RTL4: variants seen among roughly 807,000 people sequenced by gnomAD.
RTL4 encodes retrotransposon Gag-like protein 4.
RTL4 carries 4 observed loss-of-function variants against 5.3 expected under a neutral mutation model. That is an observed-to-expected ratio of 0.75 (90% CI 0.37 to 1.72). RTL4 has a LOEUF of 1.72. RTL4 is among the 40% of genes most tolerant of loss of function. The pLI, the probability that RTL4 is intolerant of heterozygous loss-of-function variation, is 0.04. For synonymous variants in RTL4, 98 were observed against 87.3 expected, an observed-to-expected ratio of 1.12 and a Z score of -0.68; for missense variants, 260 against 227.1, an observed-to-expected ratio of 1.14 and a Z score of -0.93.
the RTL4 span, among the ~76,000 whole-genome samples, chrX:112,313,081 T>A: frequency 1.8e-5 from 2 of 110,990 alleles, no homozygotes; most frequent in Admixed American, 9.8e-5. Context: ...AATTAATGGC[T>A]TTTCTAGGTT....
chrX:112,219,082 G>C, the RTL4 span, among the ~76,000 whole-genome samples: 1 of 111,691 alleles, frequency 9.0e-6, no homozygotes, highest in African/African-American at 3.2e-5. Flanking sequence ...AATGGTACAT[G>C]TCTATGTGTT....
At chrX:112,399,868 G>C in the RTL4 span, among the ~76,000 whole-genome samples, 1 of 110,786 alleles carries the variant, frequency 9.0e-6, no homozygotes, top group Non-Finnish European at 1.9e-5. Context: ...ATTTTCTCTG[G>C]GTAAAGTGTT....
chrX:112,086,743 T>G, the RTL4 span, among the ~76,000 whole-genome samples: 2 of 112,216 alleles, frequency 1.8e-5, no homozygotes, highest in African/African-American at 6.5e-5. Context: ...AACCAACAAT[T>G]AGCACATTCA....
chrX:112,174,292 T>C, the RTL4 span, among the ~76,000 whole-genome samples: 1 of 91,329 alleles, frequency 1.1e-5, no homozygotes, highest in East Asian at 3.8e-4. Context: ...CCATGTGTTC[T>C]CATTGTTCAA....
chrX:112,097,004 T>C, the RTL4 span, among the ~76,000 whole-genome samples: 1 of 112,217 alleles, frequency 8.9e-6, no homozygotes, highest in African/African-American at 3.2e-5. Context: ...TGTGCCTTTA[T>C]TGGGAAATTG....
At chrX:112,124,520 A>C in the RTL4 span, among the ~76,000 whole-genome samples, 2 of 111,777 alleles carry the variant, frequency 1.8e-5, no homozygotes, top group African/African-American at 6.5e-5. Flanking sequence ...TGTCCTTTGC[A>C]GGGACATTTT....
chrX:112,246,367 T>A, the RTL4 span, among the ~76,000 whole-genome samples: 1 of 111,129 alleles, frequency 9.0e-6, no homozygotes, highest in Non-Finnish European at 1.9e-5. Flanking sequence ...GCCGTGTTGG[T>A]CTCCACCCAG....
the RTL4 span, among the ~76,000 whole-genome samples, chrX:112,330,542 G>T: frequency 9.0e-6 from 1 of 110,812 alleles, no homozygotes; most frequent in African/African-American, 3.3e-5. Context: ...CCATGCTCAT[G>T]GGTAGGAAGA....
At chrX:112,434,395 T>C in the RTL4 span, among the ~76,000 whole-genome samples, 1 of 111,497 alleles carries the variant, frequency 9.0e-6, no homozygotes, top group Non-Finnish European at 1.9e-5. Context: ...CTATTGATTA[T>C]TGCCACAATT....
At chrX:112,372,450 G>C in the RTL4 span, among the ~76,000 whole-genome samples, 1 of 111,365 alleles carries the variant, frequency 9.0e-6, no homozygotes, top group South Asian at 3.8e-4. Context: ...CTGAGGGTAA[G>C]AGCATATTCT....
the RTL4 span, among the ~76,000 whole-genome samples, chrX:112,291,891 G>A: frequency 2.7e-5 from 3 of 110,219 alleles, no homozygotes; most frequent in Non-Finnish European, 5.7e-5. Flanking sequence ...CACCGTGCCC[G>A]GCCTAGACAC....
chrX:112,446,711 G>A, the RTL4 span, among the ~76,000 whole-genome samples: 1 of 111,982 alleles, frequency 8.9e-6, no homozygotes, highest in African/African-American at 3.2e-5. Context: ...AGCCCAGCAT[G>A]GTGGTGCATG....
At chrX:112,330,872 T>C in the RTL4 span, among the ~76,000 whole-genome samples, 1 of 111,130 alleles carries the variant, frequency 9.0e-6, no homozygotes, top group African/African-American at 3.3e-5. Flanking sequence ...AACTATCTGA[T>C]CTTTGACAAA....
the RTL4 span, among the ~76,000 whole-genome samples, chrX:112,269,525 A>G: frequency 8.9e-6 from 1 of 111,843 alleles, no homozygotes; most frequent in African/African-American, 3.2e-5. Context: ...TATAAAATGG[A>G]CCAAACTCTT....
chrX:112,179,940 T>G, the RTL4 span, among the ~76,000 whole-genome samples: 3 of 111,379 alleles, frequency 2.7e-5, no homozygotes, highest in East Asian at 8.5e-4. Flanking sequence ...GTTTATTCTT[T>G]GTTGGATGTG....
chrX:112,206,536 C>T, the RTL4 span, among the ~76,000 whole-genome samples: 12 of 111,556 alleles, frequency 1.1e-4, no homozygotes. Context: ...TTCCTCCTAT[C>T]TGACAGTGTT....
At chrX:112,254,866 G>A in the RTL4 span, among the ~76,000 whole-genome samples, 17 of 111,972 alleles carry the variant, frequency 1.5e-4, no homozygotes, top group African/African-American at 5.5e-4. Flanking sequence ...TGAGATATGA[G>A]TGAACTAGGC....
At chrX:112,387,478 G>T in the RTL4 span, among the ~76,000 whole-genome samples, 5 of 109,949 alleles carry the variant, frequency 4.5e-5, no homozygotes, top group African/African-American at 1.3e-4. Context: ...CTGCTGGATG[G>T]CCAGACCCAG....
At chrX:112,426,480 G>A in the RTL4 span, among the ~76,000 whole-genome samples, 2 of 111,193 alleles carry the variant, frequency 1.8e-5, no homozygotes, top group African/African-American at 3.3e-5. Flanking sequence ...CTGACATCTC[G>A]AACATATTGA....
Sources: gnomAD v4.1 joint callset for allele counts (sites outside exome capture counted in the v4.1 genomes callset) on GRCh38, gnomAD v4.1.1 for gene constraint, MANE v1.5 for transcripts, NCBI Gene and HGNC (gene_info 2026-07-23, HGNC 2026-07-21) for gene names.